PIBF1: variants seen among roughly 807,000 people sequenced by gnomAD.
PIBF1 encodes the protein progesterone immunomodulatory binding factor 1.
PIBF1 carries 90 observed loss-of-function variants against 112.5 expected under a neutral mutation model. The ratio of observed to expected loss-of-function variants is 0.80; its 90% confidence interval spans 0.67 to 0.95. PIBF1 has a LOEUF of 0.95. PIBF1 is among the 40% of genes least tolerant of loss of function. The pLI, the probability that PIBF1 is intolerant of heterozygous loss-of-function variation, is 0.00. For missense variants in PIBF1, 915 were observed against 852.3 expected, an observed-to-expected ratio of 1.07 and a Z score of -0.92; for synonymous variants, 301 against 288.6, an observed-to-expected ratio of 1.04 and a Z score of -0.44.
At chr13:73,007,299 GTTTTTTT>G (rs200537484) in intron 17 of PIBF1, among the ~76,000 whole-genome samples, 1 of 139,778 alleles carries the variant, frequency 7.2e-6, no homozygotes, top group South Asian at 2.3e-4. Flanking sequence ...TTTTGTTTTT[GTTTTTTT>G]TTTTTTTTGA....
At chr13:72,978,341 G>A (rs1299426336) in intron 16 of PIBF1, among the ~76,000 whole-genome samples, 2 of 152,178 alleles carry the variant, frequency 1.3e-5, no homozygotes, top group African/African-American at 2.4e-5. Flanking sequence ...CTCATTGTTA[G>A]AGATGAAACT....
In PIBF1 at chr13:72,844,752, C is replaced by CGG; in HGVS notation, c.1224-9305_1224-9304insGG. Among the ~76,000 whole-genome samples, 2 of 94,038 alleles carry CGG rather than the reference C, an allele frequency of 2.1e-5. 1 individual carries two copies. The highest frequency in any genetic ancestry group is 8.3e-4 in the South Asian group (2 of 2,414). The allele number at this position is 94,038 out of a possible 152,430, so 61.7% of individuals were successfully genotyped here. On this transcript the variant is annotated intron_variant, in intron 9 of 17. Coordinates refer to ENST00000326291, the MANE Select transcript of PIBF1 (RefSeq NM_006346.4). ...TTACACACACACACACACACACACA[C>CGG]ACACACACACACACACACACACACA... is the stretch of plus-strand genomic sequence containing the variant.
In PIBF1 at chr13:72,887,401, T is replaced by A. The variant is rs1361665692; in HGVS notation, c.1323-6383T>A. ...TTTTTGTTTTCTTAAAGTAAAAAAA[T>A]TAGAAGTTATAGATTGGGTATAATA... On this transcript the variant is annotated intron_variant, in intron 10 of 17. Coordinates refer to ENST00000326291, the MANE Select transcript of PIBF1 (RefSeq NM_006346.4). Among the ~76,000 whole-genome samples the A allele has an allele frequency of 2.0e-5, 3 of 151,866 alleles. No individual in the cohort carries two copies. In the East Asian group the frequency reaches 5.8e-4, roughly 29 times the overall value.
chr13:72,916,635 C>T (rs1206973987), intron 12 of PIBF1, among the ~76,000 whole-genome samples: 1 of 151,836 alleles, frequency 6.6e-6, no homozygotes, highest in Non-Finnish European at 1.5e-5. Context: ...TACATAAGTA[C>T]ATAATTTTAT....
intron 10 of PIBF1, among the ~76,000 whole-genome samples, chr13:72,871,207 C>G (rs2039148607): frequency 6.6e-6 from 1 of 152,032 alleles, no homozygotes; most frequent in Non-Finnish European, 1.5e-5. Flanking sequence ...CCATCCCTCA[C>G]AAAGAAAAAA....
At chr13:72,864,830 A>G (rs1369513391) in intron 10 of PIBF1, among the ~76,000 whole-genome samples, 1 of 152,170 alleles carries the variant, frequency 6.6e-6, no homozygotes, top group East Asian at 1.9e-4. Context: ...CTTGTAAATG[A>G]GCTCTTATTT....
At chr13:72,892,350 A>G (rs950187031) in intron 10 of PIBF1, among the ~76,000 whole-genome samples, 1 of 152,162 alleles carries the variant, frequency 6.6e-6, no homozygotes, top group Non-Finnish European at 1.5e-5. Flanking sequence ...TGTGCATTGT[A>G]TGGAACTTCC....
intron 2 of PIBF1, 102 bp downstream of exon 2, chr13:72,783,823 A>G: frequency 9.1e-7 from 1 of 1,094,572 alleles, no homozygotes; most frequent in East Asian, 2.4e-5. Context: ...GAAATGATAC[A>G]TTTATATTTC....
chr13:72,871,319 CTT>C (rs2039155874), intron 10 of PIBF1, among the ~76,000 whole-genome samples: 1 of 152,004 alleles, frequency 6.6e-6, no homozygotes, highest in African/African-American at 2.4e-5. Flanking sequence ...TTCTCTCTCT[CTT>C]TTGAGATGGA....
At chr13:72,860,616 C>G (rs1255112322) in intron 10 of PIBF1, among the ~76,000 whole-genome samples, 2 of 152,020 alleles carry the variant, frequency 1.3e-5, no homozygotes, top group Non-Finnish European at 2.9e-5. Context: ...TCTGGCATGC[C>G]TATACATAAT....
intron 14 of PIBF1, among the ~76,000 whole-genome samples, chr13:72,932,689 A>G (rs1281631059): frequency 6.6e-6 from 1 of 152,256 alleles, no homozygotes; most frequent in African/African-American, 2.4e-5. Flanking sequence ...TACAGATACA[A>G]CAGACATAGG....
intron 9 of PIBF1, among the ~76,000 whole-genome samples, chr13:72,849,929 G>A (rs2038053856): frequency 6.6e-6 from 1 of 152,218 alleles, no homozygotes; most frequent in African/African-American, 2.4e-5. Flanking sequence ...TAAATGAGTT[G>A]TGATATGTAA....
intron 10 of PIBF1, among the ~76,000 whole-genome samples, chr13:72,865,513 A>G (rs538534905): frequency 5.9e-5 from 9 of 152,298 alleles, no homozygotes; most frequent in African/African-American, 1.9e-4. Flanking sequence ...ATCTACTGTT[A>G]TCTTTTAAAT....
chr13:72,926,325 A>G (rs1205500511), intron 13 of PIBF1, among the ~76,000 whole-genome samples: 2 of 152,236 alleles, frequency 1.3e-5, no homozygotes, highest in African/African-American at 4.8e-5. Flanking sequence ...ATGTGCTATC[A>G]TATGAATAGT....
intron 16 of PIBF1, among the ~76,000 whole-genome samples, chr13:72,981,736 C>A (rs2043162784): frequency 6.6e-6 from 1 of 152,172 alleles, no homozygotes; most frequent in Non-Finnish European, 1.5e-5. Flanking sequence ...CAGCACTTAG[C>A]ACCCCAGGTG....
At chr13:72,805,409 T>C (rs1270321939) in intron 5 of PIBF1, among the ~76,000 whole-genome samples, 1 of 152,178 alleles carries the variant, frequency 6.6e-6, no homozygotes, top group Admixed American at 6.5e-5. Context: ...CCCAAAGTGT[T>C]GGGATTACAG....
chr13:72,985,410 G>A (rs2043257373), intron 16 of PIBF1, among the ~76,000 whole-genome samples: 1 of 151,476 alleles, frequency 6.6e-6, no homozygotes, highest in Non-Finnish European at 1.5e-5. Flanking sequence ...GCGGTGGCGG[G>A]TGCCTTGTAG....
intron 16 of PIBF1, among the ~76,000 whole-genome samples, chr13:72,994,343 A>G (rs954953700): frequency 6.6e-6 from 1 of 152,228 alleles, no homozygotes; most frequent in African/African-American, 2.4e-5. Flanking sequence ...TATCAATGAG[A>G]AAACAAAAGG....
At chr13:72,996,962 C>T (rs1187236516) in intron 16 of PIBF1, among the ~76,000 whole-genome samples, 1 of 152,138 alleles carries the variant, frequency 6.6e-6, no homozygotes, top group Non-Finnish European at 1.5e-5. Flanking sequence ...GCCTGGATTT[C>T]AGAAACTGCT....
Sources: gnomAD v4.1 joint callset for allele counts (sites outside exome capture counted in the v4.1 genomes callset) on GRCh38, gnomAD v4.1.1 for gene constraint, MANE v1.5 for transcripts, NCBI Gene and HGNC (gene_info 2026-07-23, HGNC 2026-07-21) for gene names.